Variants in KAZN observed in about 807,000 individuals in gnomAD.
The protein encoded by KAZN is kazrin, periplakin interacting protein.
In KAZN, 40 loss-of-function variants were observed where a neutral mutation model predicts 87.4. The ratio of observed to expected loss-of-function variants is 0.46; its 90% CI spans 0.36 to 0.60. The LOEUF (loss-of-function observed/expected upper bound fraction) is 0.60, where lower values mean the gene tolerates loss of function less well. Ranked by LOEUF, KAZN falls within the 20% of genes least tolerant of loss-of-function variation. The pLI is 0.00. For missense variants in KAZN, 898 were observed against 1,073.9 expected (o/e 0.84, Z 2.29); for synonymous variants, 466 against 458.3 (o/e 1.02, Z -0.22).
intron 1 of KAZN, among the ~76,000 whole-genome samples, chr1:14,938,260 G>A (rs1487004323): frequency 6.6e-6 from 1 of 152,206 alleles, no homozygotes; most frequent in Non-Finnish European, 1.5e-5. Context: ...GTTCAAAATG[G>A]GCCGGATGCG....
At chr1:14,988,640 C>G (rs1667060603) in intron 2 of KAZN, among the ~76,000 whole-genome samples, 1 of 152,256 alleles carries the variant, frequency 6.6e-6, no homozygotes, top group Non-Finnish European at 1.5e-5. Flanking sequence ...GTCCAGCCAG[C>G]TGTGCTTCTG....
At chr1:14,830,309 T>C (rs1647017391) in intron 1 of KAZN, among the ~76,000 whole-genome samples, 2 of 152,126 alleles carry the variant, frequency 1.3e-5, no homozygotes, top group Admixed American at 1.3e-4. Flanking sequence ...AAAATGACAG[T>C]CCCAGCAAAG....
intron 1 of KAZN, among the ~76,000 whole-genome samples, chr1:14,756,736 C>A (rs1644578285): frequency 6.6e-6 from 1 of 152,160 alleles, no homozygotes; most frequent in Non-Finnish European, 1.5e-5. Context: ...ATATACCAGG[C>A]ATTGTGAATA....
At chr1:14,534,994 C>G (rs1477698355) in intron 2 of KAZN, among the ~76,000 whole-genome samples, 1 of 152,152 alleles carries the variant, frequency 6.6e-6, no homozygotes, top group Non-Finnish European at 1.5e-5. Flanking sequence ...ACTCGTCAAA[C>G]TAGATCTTGA....
At chr1:14,083,547 A>G (rs1570697918) in intron 1 of KAZN, among the ~76,000 whole-genome samples, 1 of 152,342 alleles carries the variant, frequency 6.6e-6, no homozygotes, top group East Asian at 1.9e-4. Flanking sequence ...GCTCAGAATA[A>G]GTGGTCTATA....
intron 3 of KAZN, among the ~76,000 whole-genome samples, chr1:15,036,417 T>C (rs1454522665): frequency 6.9e-6 from 1 of 145,440 alleles, no homozygotes; most frequent in Middle Eastern, 3.5e-3. Flanking sequence ...CAGCTCCCCT[T>C]CCCCTGCCTG....
chr1:14,843,240 G>C (rs1648238553), intron 1 of KAZN, among the ~76,000 whole-genome samples: 1 of 152,170 alleles, frequency 6.6e-6, no homozygotes, highest in African/African-American at 2.4e-5. Flanking sequence ...GCAGTGTGTG[G>C]GGTCAAAGGG....
At chr1:14,504,846 G>T (rs1424871971) in intron 2 of KAZN, among the ~76,000 whole-genome samples, 1 of 152,160 alleles carries the variant, frequency 6.6e-6, no homozygotes, top group Non-Finnish European at 1.5e-5. Context: ...ACAAATTAAA[G>T]GTTTTAAGTT....
chr1:14,817,869 A>G (rs1252099169), intron 1 of KAZN, among the ~76,000 whole-genome samples: 1 of 152,182 alleles, frequency 6.6e-6, no homozygotes, highest in African/African-American at 2.4e-5. Flanking sequence ...TTCAACAACT[A>G]CTAGGGAAGA....
chr1:14,101,710 A>T (rs149496091), intron 1 of KAZN, among the ~76,000 whole-genome samples: 2 of 152,366 alleles, frequency 1.3e-5, no homozygotes, highest in East Asian at 3.9e-4. Context: ...TAATATTTAC[A>T]TAAACCCAAT....
intron 2 of KAZN, among the ~76,000 whole-genome samples, chr1:14,579,563 T>G (rs1467516784): frequency 6.6e-6 from 1 of 150,920 alleles, no homozygotes; most frequent in African/African-American, 2.4e-5. Flanking sequence ...AGGTGGAGCT[T>G]GCGGTGAGCC....
At chr1:15,106,584 G>C (rs940096903) in intron 13 of KAZN, among the ~76,000 whole-genome samples, 12 of 152,100 alleles carry the variant, frequency 7.9e-5, no homozygotes, top group East Asian at 3.9e-4. Context: ...CTTATGTTGT[G>C]GTGGGGCAGG....
rs1020093202 is a variant in KAZN, at chr1:14,141,317, T to C, written c.92-39118T>C. Reference sequence around the variant, plus strand: ...TGCCCCAAGTGGTCACATGGGGACCTGGCCGCAGAAGCTATGTCTCTGCTT... The same window carrying C: ...TGCCCCAAGTGGTCACATGGGGACCCGGCCGCAGAAGCTATGTCTCTGCTT... On this transcript the variant is annotated intron_variant, in intron 1 of 16. Coordinates refer to the KAZN transcript ENST00000636203. Among the ~76,000 whole-genome samples the C allele has an allele frequency of 1.4e-3, 217 of 151,208 alleles. 1 individual carries two copies. The highest frequency in any genetic ancestry group is 6.9e-3 in the Middle Eastern group (2 of 290).
chr1:14,284,342 G>T (rs1006297225), intron 2 of KAZN, among the ~76,000 whole-genome samples: 1 of 152,172 alleles, frequency 6.6e-6, no homozygotes, highest in Non-Finnish European at 1.5e-5. Flanking sequence ...GCATGAGCTG[G>T]TTGCTGAGGA....
intron 1 of KAZN, among the ~76,000 whole-genome samples, chr1:14,066,899 A>C (rs1643030761): frequency 6.6e-6 from 1 of 152,178 alleles, no homozygotes; most frequent in South Asian, 2.1e-4. Context: ...TGTGTTCCTG[A>C]CAAGAACCTT....
At chr1:14,683,440 AG>A (rs1233037505) in intron 1 of KAZN, among the ~76,000 whole-genome samples, 2 of 152,146 alleles carry the variant, frequency 1.3e-5, no homozygotes. Context: ...CCTCAACTCA[AG>A]ATGCTATTAG....
At chr1:14,785,535 C>G (rs1645486391) in intron 1 of KAZN, among the ~76,000 whole-genome samples, 1 of 152,082 alleles carries the variant, frequency 6.6e-6, no homozygotes, top group Non-Finnish European at 1.5e-5. Context: ...CATGTTACTC[C>G]CTCTCCCCAG....
chr1:15,091,478 G>A (rs1447276017), intron 8 of KAZN, among the ~76,000 whole-genome samples: 1 of 152,190 alleles, frequency 6.6e-6, no homozygotes, highest in Non-Finnish European at 1.5e-5. Context: ...TGGAGTAGCT[G>A]GGACTACAGG....
intron 3 of KAZN, among the ~76,000 whole-genome samples, chr1:15,035,968 C>T (rs373542081): frequency 6.6e-6 from 1 of 152,124 alleles, no homozygotes; most frequent in Non-Finnish European, 1.5e-5. Context: ...GCCTCTGAGC[C>T]GCAGTTCAGA....
Sources: allele counts gnomAD v4.1 joint callset (sites outside exome capture counted in the v4.1 genomes callset), GRCh38; gene constraint gnomAD v4.1.1; transcripts MANE v1.5; gene names NCBI Gene and HGNC (gene_info 2026-07-23, HGNC 2026-07-21).